The following ERC2 variants were observed in gnomAD, a reference collection of about 807,000 sequenced individuals.
The protein encoded by ERC2 is ERC protein 2.
In ERC2, 42 loss-of-function variants were observed where a neutral mutation model predicts 114.8. That is an observed-to-expected ratio of 0.37 (90% CI 0.29 to 0.47). The LOEUF (loss-of-function observed/expected upper bound fraction) is 0.47, where lower values mean the gene tolerates loss of function less well. Ranked by LOEUF, ERC2 falls within the 20% of genes least tolerant of loss-of-function variation. The pLI, the probability that ERC2 is intolerant of heterozygous loss-of-function variation, is 0.99. For missense variants in ERC2, 939 were observed against 1,150.7 expected, an observed-to-expected ratio of 0.82 and a Z score of 2.66; for synonymous variants, 454 against 425.5, an observed-to-expected ratio of 1.07 and a Z score of -0.82.
chr3:55,982,743 C>G (rs1247734593), intron 12 of ERC2, among the ~76,000 whole-genome samples: 1 of 152,186 alleles, frequency 6.6e-6, no homozygotes, highest in Non-Finnish European at 1.5e-5. Context: ...GGGCAAAATA[C>G]TGACCCTAGC....
At position 56,045,362 on chromosome 3, in the gene ERC2, AT is replaced by A. The variant is rs2075403541; in HGVS notation, c.1642-26332del. Among the ~76,000 whole-genome samples the A allele has an allele frequency of 2.6e-5, 4 of 152,294 alleles. No individual in the cohort carries two copies. In the South Asian group the frequency reaches 8.3e-4, roughly 32 times the overall value. On this transcript the variant is annotated intron_variant, in intron 7 of 17. Coordinates refer to ENST00000288221, the MANE Select transcript of ERC2 (RefSeq NM_015576.3). The stretch of plus-strand genomic sequence containing the variant: ...TGGGAAGATAATTTACTAATTTAGC[AT>A]GTTTTTTCTTTGACCTGTGCATTTG...
rs369372809 is a variant in ERC2, at chr3:56,273,226, G to A, written c.1074+22793C>T. 2.6e-5 allele frequency among the ~76,000 whole-genome samples: 4 copies of A among 151,728 alleles called. No individual in the cohort carries two copies. In the South Asian group the frequency reaches 8.4e-4, roughly 32 times the overall value. On this transcript the variant is annotated intron_variant, in intron 3 of 17. Coordinates refer to ENST00000288221, the MANE Select transcript of ERC2 (RefSeq NM_015576.3). The stretch of plus-strand genomic sequence containing the variant: ...ATTAGCAAATGTGCCAAGATGAAAG[G>A]GGCATTCAAGGACACCTCCCACTTT...
At chr3:56,015,320 A>G (rs1198488177) in intron 8 of ERC2, among the ~76,000 whole-genome samples, 1 of 152,046 alleles carries the variant, frequency 6.6e-6, no homozygotes, top group Non-Finnish European at 1.5e-5. Flanking sequence ...CCTAGGTATT[A>G]AGCTCAGCAT....
intron 3 of ERC2, among the ~76,000 whole-genome samples, chr3:56,220,491 A>G (rs1171408079): frequency 4.6e-5 from 7 of 152,200 alleles, no homozygotes; most frequent in African/African-American, 1.7e-4. Context: ...GATCATTGAG[A>G]GGGATGGAGA....
At chr3:56,395,555 T>C (rs919872313) in intron 2 of ERC2, among the ~76,000 whole-genome samples, 2 of 152,074 alleles carry the variant, frequency 1.3e-5, no homozygotes, top group African/African-American at 4.8e-5. Flanking sequence ...TCTTGCAAGA[T>C]CTGGTCATTT....
At chr3:55,929,079 C>T (rs2065919525) in intron 13 of ERC2, among the ~76,000 whole-genome samples, 1 of 152,120 alleles carries the variant, frequency 6.6e-6, no homozygotes, top group South Asian at 2.1e-4. Context: ...TCTCCTTGAC[C>T]AAGATCCCTC....
chr3:56,302,573 G>A (rs564689581), intron 2 of ERC2, among the ~76,000 whole-genome samples: 47 of 152,260 alleles, frequency 3.1e-4, no homozygotes, highest in African/African-American at 1.1e-3. Context: ...TGAAAGGTAC[G>A]AAAAACTGCA....
intron 2 of ERC2, among the ~76,000 whole-genome samples, chr3:56,406,891 T>A (rs898895874): frequency 1.3e-5 from 2 of 152,178 alleles, no homozygotes; most frequent in Non-Finnish European, 2.9e-5. Context: ...AAAAAAGTTT[T>A]AAAAATCCAG....
Position 56,043,154 on chromosome 3 carries a change from G to A in ERC2, c.1642-24123C>T, listed in dbSNP as rs537707867. 2.0e-5 allele frequency among the ~76,000 whole-genome samples: 3 copies of A among 152,112 alleles called. No individual in the cohort carries two copies. The East Asian group carries it at 5.8e-4, about 29-fold the overall frequency. ...TGTAAAGTCATTTCTGCTGGATATC[G>A]TGATAGTCAGAAAGAAGATTTATTT... is the stretch of plus-strand genomic sequence containing the variant. On this transcript the variant is annotated intron_variant, in intron 7 of 17. Coordinates refer to ENST00000288221, the MANE Select transcript of ERC2 (RefSeq NM_015576.3).
At chr3:56,139,711 A>C (rs1190287258) in intron 5 of ERC2, 35 bp from the exon 6 acceptor site, 1 of 1,556,520 alleles carries the variant, frequency 6.4e-7, no homozygotes, top group African/African-American at 1.4e-5. Flanking sequence ...AGAAATTAGA[A>C]ATTGCTGCCC....
At chr3:55,850,193 A>G (rs1414085440) in intron 14 of ERC2, among the ~76,000 whole-genome samples, 1 of 152,176 alleles carries the variant, frequency 6.6e-6, no homozygotes, top group Admixed American at 6.5e-5. Context: ...TCATAAGAAC[A>G]TCTGTCATTG....
chr3:55,866,482 A>G (rs2062321839), intron 14 of ERC2, among the ~76,000 whole-genome samples: 1 of 152,172 alleles, frequency 6.6e-6, no homozygotes, highest in Admixed American at 6.6e-5. Context: ...AGTCCAATTT[A>G]TCACATTTTT....
At chr3:55,870,337 A>C (rs565638053) in intron 14 of ERC2, among the ~76,000 whole-genome samples, 2 of 152,292 alleles carry the variant, frequency 1.3e-5, no homozygotes, top group South Asian at 4.1e-4. Context: ...AGCCTCCCAA[A>C]GTGCTGGGAT....
Position 55,648,627 on chromosome 3 carries a change from A to G in ERC2, c.*39+35167T>C, listed in dbSNP as rs1037765550. ...TACATGAGTAACAAGATAAAAAGTT[A>G]AAAAAGTAAGAGAGTCCCAAGAGGA... On this transcript the variant is annotated intron_variant, in intron 17 of 17. Transcript: ENST00000288221. Among the ~76,000 whole-genome samples, 3 of 152,292 alleles carry G rather than the reference A, an allele frequency of 2.0e-5. No individual in the cohort carries two copies. In the East Asian group the frequency reaches 5.8e-4, roughly 29 times the overall value.
At chr3:56,205,853 T>A (rs1357688658) in intron 3 of ERC2, among the ~76,000 whole-genome samples, 1 of 152,148 alleles carries the variant, frequency 6.6e-6, no homozygotes, top group Admixed American at 6.5e-5. Context: ...TCTCTGAAAT[T>A]TTATCTCCTT....
At chr3:55,587,441 T>G (rs993307102) in intron 17 of ERC2, among the ~76,000 whole-genome samples, 13 of 152,252 alleles carry the variant, frequency 8.5e-5, no homozygotes, top group African/African-American at 3.1e-4. Flanking sequence ...CTGTGAAATA[T>G]CCTATTGCAT....
chr3:55,663,624 G>T lies in ERC2; in HGVS notation c.*39+20170C>A, dbSNP rs189962507. ...GGAATTACAGTGGCCCCTTCCTTTCGGAGGGCAAGTTGGAAAGGGAGGCAG... is the reference window on the plus strand; with the variant it reads ...GGAATTACAGTGGCCCCTTCCTTTCTGAGGGCAAGTTGGAAAGGGAGGCAG... On this transcript the variant is annotated intron_variant, in intron 17 of 17. Coordinates refer to ENST00000288221, the MANE Select transcript of ERC2 (RefSeq NM_015576.3). 6.5e-4 allele frequency among the ~76,000 whole-genome samples: 99 copies of T among 152,258 alleles called. 1 individual carries two copies. In the East Asian group the frequency reaches 0.014, roughly 22 times the overall value.
intron 12 of ERC2, among the ~76,000 whole-genome samples, chr3:55,969,061 C>G (rs756395144): frequency 6.6e-6 from 1 of 152,018 alleles, no homozygotes; most frequent in African/African-American, 2.4e-5. Context: ...TACCCAGACT[C>G]GAATGATTAA....
rs570264908 is a variant in ERC2 at position 56,454,348 on chromosome 3, C to T, written c.-141+13900G>A. On this transcript the variant is annotated intron_variant, in intron 1 of 17. Transcript: ENST00000288221. Reference sequence around the variant, plus strand: ...TGAACATTTTAGAGTGCCCCAAAGGCACTGCCAATATCAGAATCTCTGCCT... The same window carrying T: ...TGAACATTTTAGAGTGCCCCAAAGGTACTGCCAATATCAGAATCTCTGCCT... Among the ~76,000 whole-genome samples the T allele has an allele frequency of 2.7e-4, 41 of 152,254 alleles. No individual in the cohort carries two copies. In the South Asian group the frequency reaches 7.7e-3, roughly 28 times the overall value.
Sources: gnomAD v4.1 joint callset for allele counts (sites outside exome capture counted in the v4.1 genomes callset) on GRCh38, gnomAD v4.1.1 for gene constraint, MANE v1.5 for transcripts, NCBI Gene and HGNC (gene_info 2026-07-23, HGNC 2026-07-21) for gene names.